The following ZEB1 variants were observed in gnomAD, a reference collection of about 807,000 sequenced individuals.
ZEB1 encodes zinc finger E-box binding homeobox 1.
Under a neutral mutation model 84.9 loss-of-function variants are expected in ZEB1, and 21 were observed. The ratio of observed to expected loss-of-function variants is 0.25; its 90% confidence interval spans 0.18 to 0.36. The LOEUF (loss-of-function observed/expected upper bound fraction) is 0.36. ZEB1 is among the 10% of genes least tolerant of loss of function. ZEB1 has a pLI of 1.00. For missense variants in ZEB1, 1,104 were observed against 1,330.2 expected, an observed-to-expected ratio of 0.83 and a Z score of 2.65; for synonymous variants, 420 against 471.1, an observed-to-expected ratio of 0.89 and a Z score of 1.41.
At position 31,520,588 on chromosome 10, in the gene ZEB1, T is replaced by A; in HGVS notation, c.1256T>A (p.Val419Glu). 5 of 1,613,994 alleles carry A rather than the reference T, an allele frequency of 3.1e-6. No individual in the cohort carries two copies. Among genetic ancestry groups the A allele is most frequent in the Non-Finnish European group, 4.2e-6 (5 of 1,179,964 alleles). The change falls in exon 7 of 9, where the codon GTG becomes GAG. Residue 419 changes from valine (V) to glutamate (E), a missense_variant. Coordinates refer to ENST00000424869, the MANE Select transcript of ZEB1 (RefSeq NM_001174096.2). The surrounding 1 kb of genome is among the most constrained non-coding windows in gnomAD (Gnocchi z 5.1). ...NLSDIQNVLK[V>E]AVDGNVIRQV... ...AGTGATATTCAGAATGTACTTAAAG[T>A]GGCGGTAGATGGTAATGTAATAAGG...
intron 1 of ZEB1, chr10:31,358,508 A>G (rs937444479): frequency 1.3e-5 from 2 of 152,196 alleles, no homozygotes; most frequent in African/African-American, 4.8e-5. Flanking sequence ...TAAATGGAAC[A>G]AAGATAGTTT....
chr10:31,366,762 T>G (rs2044583183), intron 1 of ZEB1, among the ~76,000 whole-genome samples: 1 of 152,216 alleles, frequency 6.6e-6, no homozygotes, highest in Admixed American at 6.5e-5. Context: ...TTTTCTTCTA[T>G]GAAGCCTTCC....
At chr10:31,513,811 CAT>C (rs1233058730) in intron 5 of ZEB1, among the ~76,000 whole-genome samples, 1 of 152,080 alleles carries the variant, frequency 6.6e-6, no homozygotes, top group East Asian at 1.9e-4. Context: ...ATAGACTTGT[CAT>C]AAAAAACTGG....
upstream of ZEB1, chr10:31,319,167 G>A: frequency 4.4e-6 from 5 of 1,148,374 alleles, no homozygotes; most frequent in Non-Finnish European, 6.1e-6. Context: ...TGGAGGCGGA[G>A]GGGTGGGGGG....
chr10:31,472,456 A>G (rs1480544741), intron 2 of ZEB1, among the ~76,000 whole-genome samples: 3 of 152,180 alleles, frequency 2.0e-5, no homozygotes, highest in Admixed American at 2.0e-4. Context: ...TAGAAAATCT[A>G]GAAGAAATGG....
chr10:31,515,282 G>A (rs2070862677), intron 6 of ZEB1, among the ~76,000 whole-genome samples: 1 of 151,996 alleles, frequency 6.6e-6, no homozygotes, highest in Non-Finnish European at 1.5e-5. Context: ...ATACTATTAT[G>A]CGATGAAAGT....
intron 1 of ZEB1, chr10:31,321,931 G>T: frequency 4.2e-6 from 1 of 236,156 alleles, no homozygotes; most frequent in Non-Finnish European, 8.5e-6. Context: ...TCTCAAGGGA[G>T]GGATTTATTT....
At chr10:31,445,536 G>C (rs568705803) in intron 1 of ZEB1, among the ~76,000 whole-genome samples, 96 of 151,914 alleles carry the variant, frequency 6.3e-4, no homozygotes, top group African/African-American at 2.3e-3. Context: ...CATTCAGTAT[G>C]ATATTGGCTG....
chr10:31,402,873 A>G (rs2052327660), intron 1 of ZEB1, among the ~76,000 whole-genome samples: 2 of 152,116 alleles, frequency 1.3e-5, no homozygotes, highest in African/African-American at 4.8e-5. Context: ...CAAAATTGGG[A>G]GCAAGGAGAA....
At chr10:31,476,995 T>A (rs1361664886) in intron 2 of ZEB1, among the ~76,000 whole-genome samples, 3 of 151,958 alleles carry the variant, frequency 2.0e-5, no homozygotes. Context: ...CCCTAAGAAC[T>A]GGAACAAGAC....
At chr10:31,414,888 A>G (rs1477166035) in intron 1 of ZEB1, among the ~76,000 whole-genome samples, 4 of 152,210 alleles carry the variant, frequency 2.6e-5, no homozygotes. Context: ...ACAAATCTCA[A>G]AGAATGATAA....
intron 1 of ZEB1, among the ~76,000 whole-genome samples, chr10:31,428,320 A>G (rs1353045118): frequency 6.6e-6 from 1 of 152,134 alleles, no homozygotes; most frequent in Non-Finnish European, 1.5e-5. Flanking sequence ...TTCATTATTT[A>G]CCCAAAAGTC....
At chr10:31,376,576 A>T (rs972048764) in intron 1 of ZEB1, among the ~76,000 whole-genome samples, 1 of 151,686 alleles carries the variant, frequency 6.6e-6, no homozygotes, top group Admixed American at 6.6e-5. Flanking sequence ...ACCAAGTTGT[A>T]ATAGTTAAGA....
chr10:31,509,860 T>C (rs2069657753), intron 4 of ZEB1, among the ~76,000 whole-genome samples: 1 of 152,244 alleles, frequency 6.6e-6, no homozygotes, highest in African/African-American at 2.4e-5. Context: ...TATTACATTT[T>C]AGGATTGTCA....
intron 1 of ZEB1, among the ~76,000 whole-genome samples, chr10:31,432,016 T>G (rs2057771012): frequency 6.6e-6 from 1 of 152,248 alleles, no homozygotes; most frequent in Non-Finnish European, 1.5e-5. Context: ...CAGATATCAG[T>G]ATTCTGGTTA....
At chr10:31,475,494 A>G (rs980557175) in intron 2 of ZEB1, among the ~76,000 whole-genome samples, 2 of 152,194 alleles carry the variant, frequency 1.3e-5, no homozygotes, top group East Asian at 3.9e-4. Context: ...GCATATAGTC[A>G]TTAGGCTATT....
chr10:31,466,548 A>G (rs2062443859), intron 2 of ZEB1, among the ~76,000 whole-genome samples: 1 of 152,352 alleles, frequency 6.6e-6, no homozygotes, highest in South Asian at 2.1e-4. Context: ...GAAGTAAAAA[A>G]TATCTTGAAA....
chr10:31,502,275 A>C, intron 3 of ZEB1, 73 bp from the exon 4 acceptor site: 1 of 1,449,252 alleles, frequency 6.9e-7, no homozygotes, highest in South Asian at 1.2e-5. Flanking sequence ...AAGATAAATA[A>C]TTTCTTATTT....
chr10:31,411,688 A>G (rs187245144), intron 1 of ZEB1, among the ~76,000 whole-genome samples: 1,804 of 151,162 alleles, frequency 0.012, 28 homozygotes, highest in African/African-American at 0.041. Context: ...ATAGCACTAA[A>G]TGCTATAAAT....
Sources: allele counts gnomAD v4.1 joint callset (sites outside exome capture counted in the v4.1 genomes callset), GRCh38; gene constraint gnomAD v4.1.1; non-coding constraint Gnocchi (gnomAD v3.1); transcripts MANE v1.5; gene names NCBI Gene and HGNC (gene_info 2026-07-23, HGNC 2026-07-21).